Variants in CEP290 observed in about 807,000 individuals in gnomAD.
CEP290 encodes centrosomal protein 290.
A neutral mutation model predicts 344.9 loss-of-function variants in CEP290; 317 were observed. The observed-to-expected ratio is 0.92, with a 90% CI of 0.84 to 1.01. The LOEUF (loss-of-function observed/expected upper bound fraction) is 1.01, where lower values mean the gene tolerates loss of function less well. Ranked by LOEUF, CEP290 falls within the 50% of genes least tolerant of loss-of-function variation. The probability of loss-of-function intolerance (pLI) is 0.00; values close to 1 mark genes in which losing one functional copy is unlikely to be tolerated. For synonymous variants in CEP290, 932 were observed against 895.8 expected, an observed-to-expected ratio of 1.04 and a Z score of -0.72; for missense variants, 2,754 against 2,761.4, an observed-to-expected ratio of 1.00 and a Z score of 0.06.
Position 88,117,121 on chromosome 12 carries a change from A to G in CEP290, c.1736T>C (p.Leu579Pro). 1 of 1,555,556 alleles carries G rather than the reference A, an allele frequency of 6.4e-7. No individual in the cohort carries two copies. Reference sequence around the variant, plus strand: ...ATCTCCTTGAGAAATGTTTTCAGTTAGGTTCAGGTCCTCAGTGGTTAATCC... The same window carrying G: ...ATCTCCTTGAGAAATGTTTTCAGTTGGGTTCAGGTCCTCAGTGGTTAATCC... ...TSGLTTEDLNLTENISQGDRI... is the reference protein window; with the variant it reads ...TSGLTTEDLNPTENISQGDRI... Residue 579 changes from leucine to proline, a missense_variant, in exon 18 of 54, where the codon CTA (leucine) becomes CCA (proline). Physicochemically the swap from Leu to Pro is moderately conservative, Grantham distance 98. Coordinates refer to ENST00000552810, the MANE Select transcript of CEP290 (RefSeq NM_025114.4).
At chr12:88,113,439 G>C (rs1465215644) in intron 20 of CEP290, among the ~76,000 whole-genome samples, 1 of 151,984 alleles carries the variant, frequency 6.6e-6, no homozygotes, top group Non-Finnish European at 1.5e-5. Context: ...CTTGCCTCAG[G>C]AAGTTTTTAA....
chr12:88,090,496 G>T (rs1039887830), intron 30 of CEP290, among the ~76,000 whole-genome samples: 7 of 152,144 alleles, frequency 4.6e-5, no homozygotes, highest in Admixed American at 1.3e-4. Context: ...TAGGTGTGGT[G>T]GCACGTGCCT....
In CEP290 at chr12:88,092,707, T is replaced by C. The variant is rs747972826; in HGVS notation, c.3435A>G (p.Glu1145=). Residue 1145 remains glutamate (E), a synonymous_variant, in exon 29 of 54, where the codon GAA becomes GAG. Transcript: ENST00000552810. The part of the protein sequence containing the change: ...RQRILELEKN[E]MELKVEVSKL... ...TTGACACTTCAACTTTTAGTTCCATTTCATTCTTCTCTAATTCTAGAATCC... is the reference window on the plus strand; with the variant it reads ...TTGACACTTCAACTTTTAGTTCCATCTCATTCTTCTCTAATTCTAGAATCC... The C allele has an allele frequency of 4.3e-6, 7 of 1,609,502 alleles. No individual in the cohort carries two copies. Among genetic ancestry groups the C allele is most frequent in the Non-Finnish European group, 5.9e-6 (7 of 1,178,274 alleles).
At position 88,136,690 on chromosome 12, in the gene CEP290, C is replaced by T. The variant is rs2040369291; in HGVS notation, c.394G>A (p.Glu132Lys). The change falls in exon 6 of 54, where the codon GAG becomes AAG. Residue 132 changes from glutamate (E) to lysine (K), a missense_variant. Coordinates refer to ENST00000552810, the MANE Select transcript of CEP290 (RefSeq NM_025114.4). ...KQLEQKDRELEDMEKELEKEK... is the reference protein window; with the variant it reads ...KQLEQKDRELKDMEKELEKEK... ...TTCTCCAACTCCTTTTCCATGTCCT[C>T]CAATTCTCTATCTTTTTGTTCTAAT... 2 of 1,613,524 alleles carry T rather than the reference C, an allele frequency of 1.2e-6. No homozygotes were observed. The highest frequency in any genetic ancestry group is 1.7e-6 in the Non-Finnish European group (2 of 1,179,704).
At chr12:88,096,269 G>A (rs1017049920) in intron 27 of CEP290, among the ~76,000 whole-genome samples, 14 of 151,950 alleles carry the variant, frequency 9.2e-5, no homozygotes, top group Non-Finnish European at 1.3e-4. Context: ...GGCTGGTCTC[G>A]AACTCCTGAC....
At chr12:88,050,245 A>G in intron 53 of CEP290, 109 bp downstream of exon 53, 3 of 627,028 alleles carry the variant, frequency 4.8e-6, no homozygotes, top group Non-Finnish European at 8.4e-6. Flanking sequence ...AAGGTCAAAT[A>G]TAAGATGTTA....
rs2037149786 is a variant in CEP290 at position 88,092,821 on chromosome 12, G to A, written c.3321C>T (p.Ile1107=). The change falls in exon 29 of 54, where the codon ATC becomes ATT. Residue 1107 remains isoleucine, a synonymous_variant. Transcript: ENST00000552810. Reference sequence around the variant, plus strand: ...GTTCCACCTTCTGTGCATCCAAATTGATTTTGGTAAGCTAAGGAAATGTAA... The same window carrying A: ...GTTCCACCTTCTGTGCATCCAAATTAATTTTGGTAAGCTAAGGAAATGTAA... ...LETKFAELTK[I]NLDAQKVEQM... The A allele has an allele frequency of 1.2e-6, 2 of 1,609,190 alleles. No individual in the cohort carries two copies. Among genetic ancestry groups the A allele is most frequent in the Non-Finnish European group, 1.7e-6 (2 of 1,178,282 alleles).
chr12:88,060,525 A>G (rs1357187349), intron 47 of CEP290, among the ~76,000 whole-genome samples: 2 of 152,156 alleles, frequency 1.3e-5, no homozygotes, highest in African/African-American at 2.4e-5. Context: ...GCACCACTGC[A>G]TTCCAGCCTG....
rs1430895394 is a variant in CEP290 at position 88,050,449 on chromosome 12, T to C, written c.7130-16A>G. On this transcript the variant is annotated splice_polypyrimidine_tract_variant and intron_variant, in intron 52 of 53. Transcript: ENST00000552810. ...TGATCAGCATCTGTTGAAAAAGTCA[T>C]ACAAATTAGACTCAGCTTTTTCCCA... 3 of 1,324,074 alleles carry C rather than the reference T, an allele frequency of 2.3e-6. No individual in the cohort carries two copies. The highest frequency in any genetic ancestry group is 3.7e-5 in the Admixed American group (2 of 53,720). The allele number at this position is 1,324,074 out of a possible 1,614,324, so 82.0% of individuals were successfully genotyped here.
At chr12:88,096,036 G>A (rs117113521) in intron 27 of CEP290, among the ~76,000 whole-genome samples, 2 of 128,020 alleles carry the variant, frequency 1.6e-5, no homozygotes, top group East Asian at 5.0e-4. Context: ...TTATAAGTAT[G>A]ATGAATAAAA....
intron 25 of CEP290, among the ~76,000 whole-genome samples, chr12:88,105,970 G>C (rs1371536154): frequency 1.3e-5 from 2 of 151,804 alleles, no homozygotes; most frequent in Admixed American, 1.3e-4. Context: ...TCACTATATT[G>C]CCTAGGCTGG....
Position 88,130,371 on chromosome 12 carries a change from G to C in CEP290, c.566C>G (p.Ser189Ter), listed in dbSNP as rs758327445. ...TCTTGATAAAAGTGTTTCTTTCTGT[G>C]AATCTATTTGTTTCTGGTAGTCAAT... The part of the protein sequence containing the change: ...DIIDYQKQID[S>*]QKETLLSRRG... Residue 189 changes from serine (S) to a stop codon, truncating the protein, a stop_gained, in exon 9 of 54, where the codon TCA (serine) becomes TGA (stop). Transcript: ENST00000552810. LOFTEE classifies it high-confidence loss of function. The C allele has an allele frequency of 6.2e-7, 1 of 1,609,916 alleles. No homozygotes were observed. Among genetic ancestry groups the C allele is most frequent in the Admixed American group, 1.7e-5 (1 of 59,448 alleles).
rs1418800084 is a variant in CEP290 at position 88,077,864 on chromosome 12, T to C, written c.5419A>G (p.Thr1807Ala). 1 of 1,432,790 alleles carries C rather than the reference T, an allele frequency of 7.0e-7. No individual in the cohort carries two copies. The highest frequency in any genetic ancestry group is 9.5e-7 in the Non-Finnish European group (1 of 1,055,334). The allele number at this position is 1,432,790 out of a possible 1,614,324, so 88.8% of individuals were successfully genotyped here. Residue 1807 changes from threonine to alanine, a missense_variant, in exon 40 of 54, where the codon ACA becomes GCA. Thr to Ala is a moderately conservative substitution (Grantham distance 58). Transcript: ENST00000552810. ...AGTGAGTTTTCTCTGTTTTTACTTG[T>C]TTTAAGTGCTTCTTTCAATTTTAAA... Reference protein sequence around the residue: ...NLLKLKEALKTSKNRENSLTD... With the variant: ...NLLKLKEALKASKNRENSLTD...
chr12:88,133,297 G>T (rs1280181081), intron 6 of CEP290, among the ~76,000 whole-genome samples: 3 of 151,952 alleles, frequency 2.0e-5, no homozygotes, highest in Non-Finnish European at 4.4e-5. Context: ...ATACTGGCCA[G>T]GCTGGTCTTG....
Position 88,071,852 on chromosome 12 carries a change from C to T in CEP290, c.5784G>A (p.Lys1928=), listed in dbSNP as rs2136964688. The stretch of plus-strand genomic sequence containing the variant: ...AGACTTCCCCCTCTTTCTCTTTTAA[C>T]TTGTTTCGAATTCCTTCTATTTTGG... The part of the protein sequence containing the change: ...WQAKIEGIRN[K]LKEKEGEVFT... The change falls in exon 42 of 54, where the codon AAG becomes AAA. Residue 1928 remains lysine, a synonymous_variant. Transcript: ENST00000552810. 1 of 1,605,116 alleles carries T rather than the reference C, an allele frequency of 6.2e-7. No individual in the cohort carries two copies. The highest frequency in any genetic ancestry group is 8.5e-7 in the Non-Finnish European group (1 of 1,176,452).
chr12:88,129,252 G>A (rs1259375480), intron 10 of CEP290, among the ~76,000 whole-genome samples: 4 of 151,636 alleles, frequency 2.6e-5, no homozygotes, highest in Admixed American at 2.6e-4. Flanking sequence ...AATAGTTTCT[G>A]CATCTTATAA....
intron 41 of CEP290, among the ~76,000 whole-genome samples, chr12:88,075,375 T>G (rs1293569783): frequency 6.6e-6 from 1 of 152,142 alleles, no homozygotes; most frequent in Non-Finnish European, 1.5e-5. Flanking sequence ...TACCAAAAGC[T>G]TCGTATGCAT....
chr12:88,136,844 A>C, intron 5 of CEP290, 58 bp from the exon 6 acceptor site: 1 of 1,436,158 alleles, frequency 7.0e-7, no homozygotes, highest in East Asian at 2.3e-5. Context: ...GGTTCAAATG[A>C]GTCAACAACA....
chr12:88,135,355 G>T (rs1180626108), intron 6 of CEP290, among the ~76,000 whole-genome samples: 8 of 152,062 alleles, frequency 5.3e-5, no homozygotes, highest in Non-Finnish European at 1.5e-5. Flanking sequence ...AGCTAAGGGT[G>T]TGTGGTATGA....
Sources: allele counts gnomAD v4.1 joint callset (sites outside exome capture counted in the v4.1 genomes callset), GRCh38; gene constraint gnomAD v4.1.1; transcripts MANE v1.5; gene names NCBI Gene and HGNC (gene_info 2026-07-23, HGNC 2026-07-21).